The following ZC3H6 variants were observed in gnomAD, a reference collection of about 807,000 sequenced individuals.
ZC3H6 encodes the protein zinc finger CCCH domain-containing protein 6.
A neutral mutation model predicts 107.7 loss-of-function variants in ZC3H6; 40 were observed. That is an observed-to-expected ratio of 0.37 (90% CI 0.29 to 0.48). The LOEUF (loss-of-function observed/expected upper bound fraction) is 0.48. Ranked by LOEUF, ZC3H6 falls within the 20% of genes least tolerant of loss-of-function variation. ZC3H6 has a pLI of 0.98. For synonymous variants in ZC3H6, 493 were observed against 487.9 expected (o/e 1.01, Z -0.14); for missense variants, 1,267 against 1,410.4 (o/e 0.90, Z 1.63).
intron 5 of ZC3H6, among the ~76,000 whole-genome samples, chr2:112,314,022 T>C (rs1457884587): frequency 6.6e-6 from 1 of 152,186 alleles, no homozygotes; most frequent in Non-Finnish European, 1.5e-5. Context: ...ATAAATATTA[T>C]TTTCCTGGTA....
rs10177573 is a variant in ZC3H6 at position 112,286,363 on chromosome 2, G to C, written c.32+10337G>C. 432 of 208,320 alleles carry C rather than the reference G, an allele frequency of 2.1e-3. 4 individuals are homozygous for C. Among genetic ancestry groups the C allele is most frequent in the African/African-American group, 9.6e-3 (406 of 42,366 alleles). The allele number at this position is 208,320 out of a possible 1,614,324, so 12.9% of individuals were successfully genotyped here. Reference sequence around the variant, plus strand: ...CGCTGGGTTTCCAAAAATATGTCCTGTTCGGCTGGGTTGAGGGCATAGTGG... The same window carrying C: ...CGCTGGGTTTCCAAAAATATGTCCTCTTCGGCTGGGTTGAGGGCATAGTGG... On this transcript the variant is annotated intron_variant, in intron 1 of 11. Transcript: ENST00000409871.
Position 112,300,045 on chromosome 2 carries a change from CT to C in ZC3H6, c.213+21del. 1 of 1,334,534 alleles carries C rather than the reference CT, an allele frequency of 7.5e-7. No individual in the cohort carries two copies. The highest frequency in any genetic ancestry group is 9.7e-7 in the Non-Finnish European group (1 of 1,026,010). The allele number at this position is 1,334,534 out of a possible 1,614,324, so 82.7% of individuals were successfully genotyped here. A position where few individuals can be genotyped will look rare whatever the true frequency, so the allele number is the denominator to read the frequency against. Reference sequence around the variant, plus strand: ...GAAACATAAGGTTAGTTAGAATCTACTTTTTATTCTTTTGATAAATGTTTAT... The same window carrying C: ...GAAACATAAGGTTAGTTAGAATCTACTTTTATTCTTTTGATAAATGTTTAT... On this transcript the variant is annotated intron_variant, in intron 2 of 11. Transcript: ENST00000409871.
Position 112,332,060 on chromosome 2 carries a change from TTGTA to T in ZC3H6, c.3145_3148del (p.Tyr1049ThrfsTer13). On this transcript the variant is annotated frameshift_variant, in exon 12 of 12. Coordinates refer to ENST00000409871, the MANE Select transcript of ZC3H6 (RefSeq NM_198581.3). LOFTEE classifies it high-confidence loss of function. ...CACTTCAGTTCTTAGTGGTATTAGT[TTGTA>T]TGACCCTAGGGATCACGGTTCATCA... 3.7e-6 allele frequency: 6 copies of T among 1,613,974 alleles called. No individual in the cohort carries two copies. Among genetic ancestry groups the T allele is most frequent in the Non-Finnish European group, 5.1e-6 (6 of 1,179,874 alleles).
chr2:112,278,361 A>G (rs1331277171), intron 1 of ZC3H6, among the ~76,000 whole-genome samples: 1 of 152,232 alleles, frequency 6.6e-6, no homozygotes, highest in Non-Finnish European at 1.5e-5. Context: ...TCTGTCGCCC[A>G]GGCTGGAGTG....
chr2:112,325,159 C>G lies in ZC3H6; in HGVS notation c.2048C>G (p.Thr683Ser), dbSNP rs1243159373. 1 of 1,613,852 alleles carries G rather than the reference C, an allele frequency of 6.2e-7. No homozygotes were observed. Among genetic ancestry groups the G allele is most frequent in the Non-Finnish European group, 8.5e-7 (1 of 1,179,880 alleles). Residue 683 changes from threonine (T) to serine (S), a missense_variant, in exon 11 of 12, where the codon ACC becomes AGC. This residue lies in a region of ZC3H6 where 925 missense variants were observed against 1,025.7 expected (regional missense o/e 0.90). Coordinates refer to ENST00000409871, the MANE Select transcript of ZC3H6 (RefSeq NM_198581.3). ...TQRYQEDEEQ[T>S]STQPHRAPSK... Reference sequence around the variant, plus strand: ...AGATACCAAGAAGATGAAGAACAAACCAGCACCCAACCTCATAGGGCACCA... The same window carrying G: ...AGATACCAAGAAGATGAAGAACAAAGCAGCACCCAACCTCATAGGGCACCA...
In ZC3H6 at chr2:112,338,881, A is replaced by G. The variant is rs1303099481; in HGVS notation, c.*6393A>G. ...TATATATATATATATATATATATAT[A>G]TATATATATATATATATATATATAT... On this transcript the variant is annotated 3_prime_UTR_variant, in exon 12 of 12. Transcript: ENST00000409871. 2,278 of 18,610 alleles carry G rather than the reference A, an allele frequency of 0.12. 147 individuals are homozygous for G. Among genetic ancestry groups the G allele is most frequent in the African/African-American group, 0.26 (441 of 1,722 alleles). The allele number at this position is 18,610 out of a possible 1,614,324, so 1.2% of individuals were successfully genotyped here. A position where few individuals can be genotyped will look rare whatever the true frequency, so the allele number is the denominator to read the frequency against.
chr2:112,283,495 A>G (rs1295265836), intron 1 of ZC3H6, among the ~76,000 whole-genome samples: 2 of 152,250 alleles, frequency 1.3e-5, no homozygotes, highest in Non-Finnish European at 2.9e-5. Flanking sequence ...ATAAAAATCA[A>G]TCACAGTCTA....
chr2:112,276,439 C>T (rs1686426117), intron 1 of ZC3H6, among the ~76,000 whole-genome samples: 1 of 138,392 alleles, frequency 7.2e-6, no homozygotes, highest in Admixed American at 7.2e-5. Context: ...TGACTGCTTC[C>T]CGAGAACCGA....
rs1219889305 is a variant in ZC3H6, at chr2:112,332,175, CTG to C, written c.3258_3259del (p.Glu1087ThrfsTer21). The C allele has an allele frequency of 1.2e-6, 2 of 1,613,954 alleles. No individual in the cohort carries two copies. The highest frequency in any genetic ancestry group is 1.7e-6 in the Non-Finnish European group (2 of 1,179,864). On this transcript the variant is annotated frameshift_variant, in exon 12 of 12. Transcript: ENST00000409871. LOFTEE classifies it high-confidence loss of function. ...GGTGGCTTAAAAAGTAGTGACAAAACTGAACCTTCTCCTGGAGAAGCCATCCT... is the reference window on the plus strand; with the variant it reads ...GGTGGCTTAAAAAGTAGTGACAAAACAACCTTCTCCTGGAGAAGCCATCCT...
chr2:112,305,701 T>C (rs1676466918), intron 3 of ZC3H6, among the ~76,000 whole-genome samples: 2 of 152,230 alleles, frequency 1.3e-5, no homozygotes, highest in Non-Finnish European at 1.5e-5. Flanking sequence ...GCTTAGCATA[T>C]CTTATAGCAC....
intron 11 of ZC3H6, among the ~76,000 whole-genome samples, chr2:112,330,274 C>T (rs1026619849): frequency 5.9e-5 from 9 of 152,030 alleles, no homozygotes; most frequent in Non-Finnish European, 1.2e-4. Context: ...AGGATGGTCT[C>T]GATCTCATGA....
intron 11 of ZC3H6, among the ~76,000 whole-genome samples, chr2:112,326,868 C>T (rs1245664965): frequency 6.6e-6 from 1 of 152,166 alleles, no homozygotes; most frequent in Non-Finnish European, 1.5e-5. Context: ...CCGCCTCGGC[C>T]TCCCAAAGTG....
rs1400927371 is a variant in ZC3H6 at position 112,335,515 on chromosome 2, A to G, written c.*3027A>G. The G allele has an allele frequency of 2.0e-5, 3 of 152,112 alleles. No homozygotes were observed. Among genetic ancestry groups the G allele is most frequent in the Non-Finnish European group, 4.4e-5 (3 of 68,006 alleles). The allele number at this position is 152,112 out of a possible 1,614,324, so 9.4% of individuals were successfully genotyped here. On this transcript the variant is annotated 3_prime_UTR_variant, in exon 12 of 12. Transcript: ENST00000409871. ...TTCTGAATTGATTTCTGTGTAATTTATATCAGTATCTAGTTGCTTATCTGT... is the reference window on the plus strand; with the variant it reads ...TTCTGAATTGATTTCTGTGTAATTTGTATCAGTATCTAGTTGCTTATCTGT...
intron 4 of ZC3H6, 53 bp from the exon 5 acceptor site, chr2:112,311,750 AT>A: frequency 6.7e-7 from 1 of 1,493,106 alleles, no homozygotes; most frequent in Non-Finnish European, 9.1e-7. Flanking sequence ...AAACTAATAA[AT>A]TGAAAGGTAT....
intron 7 of ZC3H6, 82 bp downstream of exon 7, chr2:112,317,414 C>T (rs1676720049): frequency 2.8e-6 from 2 of 707,480 alleles, no homozygotes; most frequent in South Asian, 4.6e-5. Flanking sequence ...AATAAATACA[C>T]CCTATAAAGC....
chr2:112,318,373 G>A (rs536362217), intron 7 of ZC3H6, among the ~76,000 whole-genome samples: 8 of 152,214 alleles, frequency 5.3e-5, no homozygotes, highest in Admixed American at 2.0e-4. Flanking sequence ...GATAAATAAT[G>A]AAGTGAGAAA....
intron 7 of ZC3H6, among the ~76,000 whole-genome samples, chr2:112,320,408 C>G (rs928063668): frequency 3.3e-5 from 5 of 152,116 alleles, no homozygotes; most frequent in Non-Finnish European, 7.4e-5. Flanking sequence ...GGCATCTTCA[C>G]CAGACCCTAA....
chr2:112,275,959 A>C lies in ZC3H6; in HGVS notation c.-36A>C. On this transcript the variant is annotated 5_prime_UTR_variant, in exon 1 of 12. Transcript: ENST00000409871. ...CGCCCCGCCGCCGCCGGCCTCGCAG[A>C]CCTGCCCTCCAGCCCCGCCCCGTTC... 1 of 1,519,830 alleles carries C rather than the reference A, an allele frequency of 6.6e-7. No individual in the cohort carries two copies. The highest frequency in any genetic ancestry group is 2.6e-5 in the East Asian group (1 of 37,978). The allele number at this position is 1,519,830 out of a possible 1,614,324, so 94.1% of individuals were successfully genotyped here.
chr2:112,277,955 C>CT (rs1686457307), intron 1 of ZC3H6, among the ~76,000 whole-genome samples: 2 of 152,108 alleles, frequency 1.3e-5, no homozygotes, highest in Admixed American at 6.5e-5. Context: ...TGGTCTGGAC[C>CT]TCAGCCTGGG....
Sources: allele counts gnomAD v4.1 joint callset (sites outside exome capture counted in the v4.1 genomes callset), GRCh38; gene constraint gnomAD v4.1.1; regional missense constraint gnomAD v4.1.1; transcripts MANE v1.5; gene names NCBI Gene and HGNC (gene_info 2026-07-23, HGNC 2026-07-21).